The following GHR variants were observed in gnomAD, a reference collection of about 807,000 sequenced individuals.
The protein encoded by GHR is growth hormone receptor.
In GHR, 35 loss-of-function variants were observed where a neutral mutation model predicts 67.1. The ratio of observed to expected loss-of-function variants is 0.52; its 90% confidence interval spans 0.40 to 0.69. The LOEUF is 0.69. Ranked by LOEUF, GHR falls within the 30% of genes least tolerant of loss-of-function variation. The pLI, the probability that GHR is intolerant of heterozygous loss-of-function variation, is 0.00. For synonymous variants in GHR, 272 were observed against 269.1 expected, an observed-to-expected ratio of 1.01 and a Z score of -0.10; for missense variants, 792 against 764.6, an observed-to-expected ratio of 1.04 and a Z score of -0.42.
intron 1 of GHR, among the ~76,000 whole-genome samples, chr5:42,552,157 TGTG>T (rs895065180): frequency 9.8e-5 from 15 of 152,336 alleles, no homozygotes; most frequent in African/African-American, 2.6e-4. Context: ...TGAGTTATGT[TGTG>T]GTGGTCCCGT....
At chr5:42,460,799 A>G (rs565584656) in intron 1 of GHR, among the ~76,000 whole-genome samples, 1 of 152,202 alleles carries the variant, frequency 6.6e-6, no homozygotes, top group Admixed American at 6.5e-5. Flanking sequence ...ACCAAGTCTC[A>G]TTTGAGTTCC....
chr5:42,476,193 G>T (rs916141382), intron 1 of GHR, among the ~76,000 whole-genome samples: 1 of 151,066 alleles, frequency 6.6e-6, no homozygotes, highest in African/African-American at 2.4e-5. Context: ...GTGAGCCACC[G>T]CGCCCGGCTT....
At chr5:42,477,364 C>G (rs182098705) in intron 1 of GHR, among the ~76,000 whole-genome samples, 1 of 152,238 alleles carries the variant, frequency 6.6e-6, no homozygotes, top group African/African-American at 2.4e-5. Flanking sequence ...GTCTTTATAG[C>G]AGCATGATTT....
At chr5:42,562,386 A>G (rs1749657524) in intron 1 of GHR, among the ~76,000 whole-genome samples, 1 of 152,102 alleles carries the variant, frequency 6.6e-6, no homozygotes, top group African/African-American at 2.4e-5. Context: ...CTTCTGCTGA[A>G]TCCATCCACA....
chr5:42,455,093 T>C (rs1744206349), intron 1 of GHR, among the ~76,000 whole-genome samples: 1 of 152,262 alleles, frequency 6.6e-6, no homozygotes, highest in East Asian at 1.9e-4. Flanking sequence ...ACTTTTGTGT[T>C]TCACGTGGCT....
At chr5:42,606,898 T>G (rs564867695) in intron 2 of GHR, among the ~76,000 whole-genome samples, 9 of 152,256 alleles carry the variant, frequency 5.9e-5, no homozygotes, top group African/African-American at 1.9e-4. Context: ...CACCTTGTTC[T>G]CTGTGGTCCA....
intron 2 of GHR, among the ~76,000 whole-genome samples, chr5:42,600,980 G>A (rs1223830392): frequency 7.8e-6 from 1 of 128,708 alleles, no homozygotes; most frequent in Non-Finnish European, 1.6e-5. Flanking sequence ...AGGCTGGAGT[G>A]CGATGGTGCA....
At chr5:42,513,964 T>G (rs957750446) in intron 1 of GHR, 1 of 224,652 alleles carries the variant, frequency 4.5e-6, no homozygotes, top group Non-Finnish European at 7.4e-6. Flanking sequence ...CATTAATGGG[T>G]TAAATATAAA....
In GHR at chr5:42,646,431, C is replaced by T. The variant is rs142383765; in HGVS notation, c.136+17328C>T. The T allele has an allele frequency of 2.3e-4, 90 of 399,140 alleles. 1 individual carries two copies. Among genetic ancestry groups the T allele is most frequent in the African/African-American group, 1.7e-3 (79 of 47,436 alleles). The allele number at this position is 399,140 out of a possible 1,614,324, so 24.7% of individuals were successfully genotyped here. A position where few individuals can be genotyped will look rare whatever the true frequency, so the allele number is the denominator to read the frequency against. On this transcript the variant is annotated intron_variant, in intron 3 of 9. Transcript: ENST00000230882. Reference sequence around the variant, plus strand: ...AACTAATACGGGTTAGTGTACATCACCCATAATAAAAGTAAAAGCTTTTTT... The same window carrying T: ...AACTAATACGGGTTAGTGTACATCATCCATAATAAAAGTAAAAGCTTTTTT...
Position 42,424,564 on chromosome 5 carries a change from A to G in GHR, c.-12+609A>G, listed in dbSNP as rs1442165794. 1.3e-6 allele frequency: 2 copies of G among 1,533,176 alleles called. No individual in the cohort carries two copies. Among genetic ancestry groups the G allele is most frequent in the Non-Finnish European group, 1.7e-6 (2 of 1,144,872 alleles). 95.0% of individuals were successfully genotyped at this position (1,533,176 alleles called of 1,614,324 possible). On this transcript the variant is annotated intron_variant, in intron 1 of 9. Transcript: ENST00000230882. This position sits in a 1 kb window ranked among gnomAD's most constrained non-coding sequence, Gnocchi z 4.1. The stretch of plus-strand genomic sequence containing the variant: ...CGTTGGCACCGATGGAACTGGGGTC[A>G]GTAGAGTGACAGCCACCAGTCCGCA...
intron 1 of GHR, chr5:42,548,405 G>A: frequency 1.0e-6 from 1 of 985,042 alleles, no homozygotes. Flanking sequence ...CCAAATCAGT[G>A]TGATGTGATC....
chr5:42,595,061 A>C (rs374402825), intron 2 of GHR, among the ~76,000 whole-genome samples: 1 of 152,212 alleles, frequency 6.6e-6, no homozygotes, highest in African/African-American at 2.4e-5. Context: ...CTAATAGATG[A>C]TGCTAAATTC....
chr5:42,679,144 A>G (rs1179220937), intron 3 of GHR, among the ~76,000 whole-genome samples: 1 of 140,026 alleles, frequency 7.1e-6, no homozygotes, highest in Non-Finnish European at 1.5e-5. Context: ...AATATATTAT[A>G]TATTGTATAT....
intron 2 of GHR, among the ~76,000 whole-genome samples, chr5:42,616,353 G>A (rs917823048): frequency 9.9e-5 from 15 of 152,058 alleles, no homozygotes; most frequent in Admixed American, 2.6e-4. Flanking sequence ...GAAAGAACTT[G>A]TTGATGGTTA....
chr5:42,518,765 G>C (rs943827441), intron 1 of GHR, among the ~76,000 whole-genome samples: 11 of 152,166 alleles, frequency 7.2e-5, no homozygotes, highest in African/African-American at 2.7e-4. Flanking sequence ...AAGAAACCAT[G>C]TTGATATCTG....
At chr5:42,520,808 C>A (rs138074305) in intron 1 of GHR, among the ~76,000 whole-genome samples, 129 of 152,254 alleles carry the variant, frequency 8.5e-4, no homozygotes, top group Non-Finnish European at 1.5e-3. Context: ...GAATGCTTCA[C>A]CCTCAGACTT....
At chr5:42,595,257 G>A (rs1226276789) in intron 2 of GHR, among the ~76,000 whole-genome samples, 4 of 152,178 alleles carry the variant, frequency 2.6e-5, no homozygotes, top group African/African-American at 4.8e-5. Flanking sequence ...TAACAATGAT[G>A]TAGAACATAC....
intron 2 of GHR, among the ~76,000 whole-genome samples, chr5:42,596,658 G>A (rs1047286685): frequency 1.5e-4 from 23 of 152,170 alleles, no homozygotes; most frequent in African/African-American, 5.6e-4. Context: ...CCAGTTCAGT[G>A]TTTGTGGTTG....
At chr5:42,632,330 C>T (rs1486489395) in intron 3 of GHR, among the ~76,000 whole-genome samples, 1 of 152,180 alleles carries the variant, frequency 6.6e-6, no homozygotes, top group Non-Finnish European at 1.5e-5. Flanking sequence ...ACCTGATACT[C>T]ATGGCCTGAA....
Sources: gnomAD v4.1 joint callset for allele counts (sites outside exome capture counted in the v4.1 genomes callset) on GRCh38, gnomAD v4.1.1 for gene constraint, Gnocchi (gnomAD v3.1) non-coding constraint, MANE v1.5 for transcripts, NCBI Gene and HGNC (gene_info 2026-07-23, HGNC 2026-07-21) for gene names.